The following ATP9B variants were observed in gnomAD, a reference collection of about 807,000 sequenced individuals.
ATP9B encodes probable phospholipid-transporting ATPase IIB.
ATP9B carries 110 observed loss-of-function variants against 146.1 expected under a neutral mutation model. The observed-to-expected ratio is 0.75, with a 90% CI of 0.65 to 0.88. The LOEUF (loss-of-function observed/expected upper bound fraction) is 0.88. Among genes scored for constraint, ATP9B ranks in the 40% least tolerant of loss-of-function variants. ATP9B has a pLI of 0.00. For missense variants in ATP9B, 1,499 were observed against 1,496.4 expected, an observed-to-expected ratio of 1.00 and a Z score of -0.03; for synonymous variants, 604 against 569.7, an observed-to-expected ratio of 1.06 and a Z score of -0.86.
chr18:79,070,530 G>GCAC (rs1306909391), intron 1 of ATP9B, among the ~76,000 whole-genome samples: 1 of 152,178 alleles, frequency 6.6e-6, no homozygotes, highest in Non-Finnish European at 1.5e-5. Context: ...TTTTTTCAGT[G>GCAC]CTTGGTTGGA....
chr18:79,199,878 C>T (rs1026059191), intron 9 of ATP9B, among the ~76,000 whole-genome samples: 5 of 152,144 alleles, frequency 3.3e-5, no homozygotes, highest in Non-Finnish European at 5.9e-5. Context: ...GGAAGATCTC[C>T]ACGTGTAATA....
At chr18:79,356,296 C>A (rs2096952501) in intron 25 of ATP9B, among the ~76,000 whole-genome samples, 1 of 151,678 alleles carries the variant, frequency 6.6e-6, no homozygotes, top group Non-Finnish European at 1.5e-5. Flanking sequence ...TGTCCTAGCA[C>A]TCATGCTCCT....
chr18:79,111,201 T>G (rs2075985030), intron 3 of ATP9B, among the ~76,000 whole-genome samples: 1 of 152,224 alleles, frequency 6.6e-6, no homozygotes, highest in Non-Finnish European at 1.5e-5. Context: ...CTTATTTTAA[T>G]AGATTTATTT....
chr18:79,376,686 G>A (rs773561812), intron 29 of ATP9B, among the ~76,000 whole-genome samples: 3 of 149,784 alleles, frequency 2.0e-5, no homozygotes, highest in African/African-American at 4.9e-5. Flanking sequence ...CACCATGGCC[G>A]GCCTACAACC....
chr18:79,193,174 G>T lies in ATP9B; in HGVS notation c.874-9G>T. On this transcript the variant is annotated splice_polypyrimidine_tract_variant and intron_variant, in intron 8 of 29. Transcript: ENST00000426216. ...ACATTCTAATCGATTCAAATGTTCT[G>T]TATTCCAGGACCTTTTTTCTATCAG... 1 of 1,580,362 alleles carries T rather than the reference G, an allele frequency of 6.3e-7. No individual in the cohort carries two copies. The highest frequency in any genetic ancestry group is 8.7e-7 in the Non-Finnish European group (1 of 1,151,868).
At chr18:79,088,924 G>T (rs542657268) in intron 1 of ATP9B, among the ~76,000 whole-genome samples, 1 of 152,272 alleles carries the variant, frequency 6.6e-6, no homozygotes, top group African/African-American at 2.4e-5. Context: ...GTCACAAATT[G>T]TTCTCCACTC....
chr18:79,216,442 C>T lies in ATP9B; in HGVS notation c.1107+2404C>T, dbSNP rs115922398. ...GGCTTGCCAGGAACAAGGTCATGCTCATGCACACGTTGCTCTTAGGAAAGT... is the reference window on the plus strand; with the variant it reads ...GGCTTGCCAGGAACAAGGTCATGCTTATGCACACGTTGCTCTTAGGAAAGT... On this transcript the variant is annotated intron_variant, in intron 11 of 29. Coordinates refer to ENST00000426216, the MANE Select transcript of ATP9B (RefSeq NM_198531.5). Among the ~76,000 whole-genome samples, 821 of 152,350 alleles carry T rather than the reference C, an allele frequency of 5.4e-3. 4 individuals carry two copies. The highest frequency in any genetic ancestry group is 0.019 in the African/African-American group (793 of 41,574).
At chr18:79,214,322 G>A (rs1436026907) in intron 11 of ATP9B, among the ~76,000 whole-genome samples, 2 of 152,074 alleles carry the variant, frequency 1.3e-5, no homozygotes, top group Non-Finnish European at 2.9e-5. Flanking sequence ...GTTAATTGTG[G>A]CTAATTTCTT....
intron 11 of ATP9B, among the ~76,000 whole-genome samples, chr18:79,237,686 T>G (rs1187198904): frequency 3.3e-5 from 4 of 122,958 alleles, no homozygotes; most frequent in Admixed American, 3.1e-4. Flanking sequence ...ACTTTTTTTT[T>G]TTTGGGGGGG....
At chr18:79,166,240 A>C (rs570632972) in intron 7 of ATP9B, among the ~76,000 whole-genome samples, 1 of 152,286 alleles carries the variant, frequency 6.6e-6, no homozygotes, top group African/African-American at 2.4e-5. Flanking sequence ...AGAAACAGCA[A>C]CCCAGTCAGA....
chr18:79,176,268 C>T (rs558776690), intron 7 of ATP9B, among the ~76,000 whole-genome samples: 7 of 152,270 alleles, frequency 4.6e-5, no homozygotes, highest in South Asian at 4.1e-4. Context: ...GATGATAGCA[C>T]GGCCAAAGAG....
At chr18:79,232,487 C>T (rs1164534438) in intron 11 of ATP9B, among the ~76,000 whole-genome samples, 1 of 152,154 alleles carries the variant, frequency 6.6e-6, no homozygotes, top group Non-Finnish European at 1.5e-5. Flanking sequence ...GAACACAGAC[C>T]AGCTCCTGGC....
At chr18:79,147,385 G>T (rs986094602) in intron 6 of ATP9B, among the ~76,000 whole-genome samples, 9 of 152,210 alleles carry the variant, frequency 5.9e-5, no homozygotes, top group African/African-American at 2.2e-4. Context: ...CAGTAGGAGA[G>T]AACACATTTA....
intron 10 of ATP9B, among the ~76,000 whole-genome samples, chr18:79,210,937 G>T (rs8093419): frequency 0.38 from 57,147 of 152,044 alleles, 11,654 homozygotes; most frequent in African/African-American, 0.54. Context: ...ATTTTGATTT[G>T]ATAACTTAAG....
intron 27 of ATP9B, among the ~76,000 whole-genome samples, chr18:79,373,374 C>G (rs1472194818): frequency 6.6e-6 from 1 of 152,150 alleles, no homozygotes; most frequent in Non-Finnish European, 1.5e-5. Context: ...AAAAGTTTGT[C>G]TGCCTCGATT....
chr18:79,254,348 A>G (rs564169537), intron 12 of ATP9B: 2 of 152,340 alleles, frequency 1.3e-5, no homozygotes, highest in East Asian at 3.9e-4. Flanking sequence ...TGTCTCTTCC[A>G]TTTACTTACG....
At chr18:79,201,952 G>A (rs560044328) in intron 9 of ATP9B, among the ~76,000 whole-genome samples, 9 of 152,242 alleles carry the variant, frequency 5.9e-5, no homozygotes, top group African/African-American at 1.7e-4. Flanking sequence ...TGTGGGAGGC[G>A]GATGTGGGAG....
At chr18:79,129,640 A>G (rs1336717282) in intron 5 of ATP9B, among the ~76,000 whole-genome samples, 2 of 152,270 alleles carry the variant, frequency 1.3e-5, no homozygotes, top group South Asian at 4.1e-4. Context: ...TAGAAAAATC[A>G]GTAGACAAAC....
At chr18:79,351,088 T>G (rs987649061) in intron 25 of ATP9B, among the ~76,000 whole-genome samples, 2 of 152,202 alleles carry the variant, frequency 1.3e-5, no homozygotes, top group African/African-American at 4.8e-5. Context: ...TTTTAAATAG[T>G]ACAGAATTTG....
Sources: gnomAD v4.1 joint callset for allele counts (sites outside exome capture counted in the v4.1 genomes callset) on GRCh38, gnomAD v4.1.1 for gene constraint, MANE v1.5 for transcripts, NCBI Gene and HGNC (gene_info 2026-07-23, HGNC 2026-07-21) for gene names.